Variants in GSAP observed in about 807,000 individuals in gnomAD.
GSAP encodes gamma-secretase activating protein, also known as gamma-secretase-activating protein.
In GSAP, 118 loss-of-function variants were observed where a neutral mutation model predicts 131.7. The observed-to-expected ratio is 0.90, with a 90% CI of 0.77 to 1.04. The LOEUF (loss-of-function observed/expected upper bound fraction) is 1.04, where lower values mean the gene tolerates loss of function less well. GSAP is among the 50% of genes least tolerant of loss of function. The pLI, the probability that GSAP is intolerant of heterozygous loss-of-function variation, is 0.00. For missense variants in GSAP, 1,019 were observed against 1,013.2 expected (o/e 1.01, Z -0.08); for synonymous variants, 381 against 363.4 (o/e 1.05, Z -0.55).
At chr7:77,410,933 T>C (rs1484391322) in intron 1 of GSAP, among the ~76,000 whole-genome samples, 2 of 152,096 alleles carry the variant, frequency 1.3e-5, no homozygotes, top group African/African-American at 2.4e-5. Context: ...AGGCTCAAGA[T>C]GACCAGTTAT....
intron 8 of GSAP, among the ~76,000 whole-genome samples, chr7:77,380,377 C>A (rs192243969): frequency 6.6e-6 from 1 of 152,050 alleles, no homozygotes; most frequent in East Asian, 1.9e-4. Flanking sequence ...ATGCATGTAC[C>A]CATCGAACAA....
intron 12 of GSAP, among the ~76,000 whole-genome samples, chr7:77,372,148 G>A (rs1796219318): frequency 6.6e-6 from 1 of 152,124 alleles, no homozygotes; most frequent in Non-Finnish European, 1.5e-5. Flanking sequence ...AATGTATAAA[G>A]GAAAAAGTTA....
At chr7:77,408,706 A>G (rs922097323) in intron 1 of GSAP, among the ~76,000 whole-genome samples, 7 of 151,658 alleles carry the variant, frequency 4.6e-5, no homozygotes, top group East Asian at 1.9e-4. Context: ...AAAAAAAAAA[A>G]AAAAAAAGAA....
chr7:77,339,363 G>C (rs1436043064), intron 19 of GSAP, among the ~76,000 whole-genome samples: 6 of 152,140 alleles, frequency 3.9e-5, no homozygotes, highest in African/African-American at 9.7e-5. Context: ...CCCATGCTGA[G>C]CATTTGGGGT....
At chr7:77,378,514 AAAC>A (rs1193181019) in intron 8 of GSAP, among the ~76,000 whole-genome samples, 2 of 149,398 alleles carry the variant, frequency 1.3e-5, no homozygotes, top group Non-Finnish European at 2.9e-5. Context: ...ACAAAACAAA[AAAC>A]AACAAAAAAA....
intron 10 of GSAP, among the ~76,000 whole-genome samples, chr7:77,376,561 G>A (rs897090516): frequency 1.3e-5 from 2 of 152,018 alleles, no homozygotes; most frequent in African/African-American, 2.4e-5. Flanking sequence ...GGATCACGAG[G>A]TAAGGAGATC....
At chr7:77,387,206 GCAAA>G (rs755960439) in intron 6 of GSAP, among the ~76,000 whole-genome samples, 150 bp downstream of exon 6, 4 of 152,206 alleles carry the variant, frequency 2.6e-5, no homozygotes, top group East Asian at 1.9e-4. Context: ...TTCCATGCTT[GCAAA>G]CAAAGAGCGG....
At chr7:77,356,201 A>C (rs559409548) in intron 14 of GSAP, among the ~76,000 whole-genome samples, 17 of 152,132 alleles carry the variant, frequency 1.1e-4, no homozygotes, top group Non-Finnish European at 2.1e-4. Context: ...AACCTCATTT[A>C]TTTCCATCTT....
At chr7:77,395,233 T>TA (rs1219575879) in intron 5 of GSAP, among the ~76,000 whole-genome samples, 2 of 152,046 alleles carry the variant, frequency 1.3e-5, no homozygotes, top group Non-Finnish European at 2.9e-5. Flanking sequence ...TTTTTAAGGC[T>TA]AAAAAAATAA....
chr7:77,343,491 C>G (rs1791323653), intron 19 of GSAP, among the ~76,000 whole-genome samples: 1 of 152,192 alleles, frequency 6.6e-6, no homozygotes, highest in Non-Finnish European at 1.5e-5. Context: ...ATTAATGCCT[C>G]TTTAATAAAA....
At chr7:77,323,936 A>G (rs1787980338) in intron 23 of GSAP, among the ~76,000 whole-genome samples, 194 bp from the exon 24 acceptor site, 1 of 152,176 alleles carries the variant, frequency 6.6e-6, no homozygotes, top group African/African-American at 2.4e-5. Context: ...ATTTGCCTCA[A>G]AAGGAATTAC....
chr7:77,330,887 T>C, intron 19 of GSAP: 1 of 972,468 alleles, frequency 1.0e-6, no homozygotes, highest in Non-Finnish European at 1.2e-6. Flanking sequence ...TAATTTTACA[T>C]TGTCACATAC....
chr7:77,400,001 T>A (rs1051408464), intron 3 of GSAP, among the ~76,000 whole-genome samples: 1 of 152,076 alleles, frequency 6.6e-6, no homozygotes, highest in Non-Finnish European at 1.5e-5. Context: ...CCAAAGGAAC[T>A]GGAAAGAGGA....
intron 5 of GSAP, among the ~76,000 whole-genome samples, chr7:77,394,202 C>T (rs954938545): frequency 1.3e-4 from 20 of 152,306 alleles, no homozygotes; most frequent in Non-Finnish European, 7.4e-5. Context: ...GAGGGCCACA[C>T]CTTTACAATG....
intron 16 of GSAP, 137 bp from the exon 17 acceptor site, chr7:77,353,778 A>AC: frequency 1.7e-6 from 1 of 580,978 alleles, no homozygotes; most frequent in Non-Finnish European, 3.0e-6. Flanking sequence ...TCACTTCTAT[A>AC]CTATCTTCAA....
intron 3 of GSAP, among the ~76,000 whole-genome samples, chr7:77,398,629 G>C (rs1213659894): frequency 6.6e-6 from 1 of 152,038 alleles, no homozygotes; most frequent in Non-Finnish European, 1.5e-5. Flanking sequence ...AATATGCCAG[G>C]CATGGTGGCA....
At chr7:77,348,956 A>G (rs757077770) in intron 19 of GSAP, among the ~76,000 whole-genome samples, 6 of 149,960 alleles carry the variant, frequency 4.0e-5, no homozygotes, top group Non-Finnish European at 8.9e-5. Flanking sequence ...GTGTGTGTGC[A>G]CGTGCACGTG....
In GSAP at chr7:77,384,663, T is replaced by C. The variant is rs189321845; in HGVS notation, c.457-2020A>G. 3.9e-3 allele frequency among the ~76,000 whole-genome samples: 594 copies of C among 152,208 alleles called. 6 individuals carry two copies. Among genetic ancestry groups the C allele is most frequent in the African/African-American group, 7.3e-3 (303 of 41,520 alleles). ...AAGGAAACACTCAAAGGGTCCCGGA[T>C]TGGGATCCAAGCCCCACCTGCCACT... On this transcript the variant is annotated intron_variant, in intron 6 of 30. Transcript: ENST00000257626.
chr7:77,384,626 A>T (rs937822617), intron 6 of GSAP, among the ~76,000 whole-genome samples: 6 of 151,676 alleles, frequency 4.0e-5, no homozygotes, highest in Admixed American at 6.6e-5. Context: ...TTGAAGACAC[A>T]CCTTGTGCTG....
Sources: gnomAD v4.1 joint callset for allele counts (sites outside exome capture counted in the v4.1 genomes callset) on GRCh38, gnomAD v4.1.1 for gene constraint, MANE v1.5 for transcripts, NCBI Gene and HGNC (gene_info 2026-07-23, HGNC 2026-07-21) for gene names.